The following AOX1 variants were observed in gnomAD, a reference collection of about 807,000 sequenced individuals.
The protein encoded by AOX1 is aldehyde oxidase 1.
In AOX1, 153 loss-of-function variants were observed where a neutral mutation model predicts 169.5. The ratio of observed to expected loss-of-function variants is 0.90; its 90% CI spans 0.79 to 1.03. The LOEUF (loss-of-function observed/expected upper bound fraction) is 1.03. AOX1 is among the 50% of genes least tolerant of loss of function. AOX1 has a pLI of 0.00. For synonymous variants in AOX1, 562 were observed against 581.9 expected, an observed-to-expected ratio of 0.97 and a Z score of 0.49; for missense variants, 1,656 against 1,663.9, an observed-to-expected ratio of 1.00 and a Z score of 0.08.
chr2:200,654,384 A>G (rs2105761752), intron 26 of AOX1, among the ~76,000 whole-genome samples: 1 of 152,324 alleles, frequency 6.6e-6, no homozygotes, highest in Non-Finnish European at 1.5e-5. Flanking sequence ...TTTTTAACAA[A>G]GTATTTTAAA....
intron 17 of AOX1, 56 bp downstream of exon 17, chr2:200,620,875 C>A: frequency 1.3e-6 from 2 of 1,538,880 alleles, no homozygotes; most frequent in South Asian, 2.5e-5. Context: ...TCATCTAAGT[C>A]ACACTAGTGA....
chr2:200,660,518 C>G (rs1219169122), intron 29 of AOX1, among the ~76,000 whole-genome samples: 1 of 152,106 alleles, frequency 6.6e-6, no homozygotes, highest in Non-Finnish European at 1.5e-5. Flanking sequence ...ATATGTTCAT[C>G]CAGTAATAGG....
downstream of AOX1, among the ~76,000 whole-genome samples, chr2:200,681,071 C>T (rs2036148575): frequency 6.6e-6 from 1 of 152,140 alleles, no homozygotes; most frequent in African/African-American, 2.4e-5. Flanking sequence ...GGAGAGAACA[C>T]AATAAAAGTA....
chr2:200,680,430 A>G (rs2036141817), downstream of AOX1, among the ~76,000 whole-genome samples: 1 of 152,184 alleles, frequency 6.6e-6, no homozygotes, highest in East Asian at 1.9e-4. Context: ...ACTGAGTCAA[A>G]GGTCACAGGG....
downstream of AOX1, chr2:200,678,735 A>AC (rs952664683): frequency 2.6e-5 from 4 of 151,870 alleles, no homozygotes; most frequent in Non-Finnish European, 5.9e-5. Context: ...TAAAAAAAAA[A>AC]AAAAAACCTC....
intron 1 of AOX1, among the ~76,000 whole-genome samples, chr2:200,589,218 C>T (rs577024150): frequency 3.9e-5 from 6 of 152,268 alleles, no homozygotes; most frequent in African/African-American, 4.8e-5. Context: ...GGACAGCGCA[C>T]GTTGGCCAGG....
At chr2:200,661,816 C>T (rs1366382094) in intron 30 of AOX1, among the ~76,000 whole-genome samples, 185 bp downstream of exon 30, 1 of 152,000 alleles carries the variant, frequency 6.6e-6, no homozygotes, top group Non-Finnish European at 1.5e-5. Context: ...CTGCTAGTAT[C>T]CAGAAAGACT....
chr2:200,662,715 G>A (rs990223869), intron 30 of AOX1, 140 bp from the exon 31 acceptor site: 20 of 619,294 alleles, frequency 3.2e-5, no homozygotes, highest in Middle Eastern at 3.2e-4. Flanking sequence ...CACATTTATC[G>A]CACATACATT....
chr2:200,641,184 CGTAA>C lies in AOX1; in HGVS notation c.2655+3_2655+6del, dbSNP rs766739242. The C allele has an allele frequency of 1.1e-5, 18 of 1,602,586 alleles. No individual in the cohort carries two copies. The highest frequency in any genetic ancestry group is 1.2e-5 in the Non-Finnish European group (14 of 1,170,136). ...GCGCCTCCTTGGATGAATCATTATT[CGTAA>C]GTGTTTTAAGGAGCAAGTTCACATT... is the stretch of plus-strand genomic sequence containing the variant. On this transcript the variant is annotated splice_donor_variant and splice_donor_region_variant and intron_variant, in intron 24 of 34. Transcript: ENST00000374700. LOFTEE classifies it high-confidence loss of function.
At chr2:200,641,312 A>G in intron 24 of AOX1, 128 bp downstream of exon 24, 1 of 620,036 alleles carries the variant, frequency 1.6e-6, no homozygotes, top group Non-Finnish European at 2.7e-6. Flanking sequence ...TTGCAGGGAT[A>G]GCCATGTGTT....
chr2:200,643,928 TG>T (rs1459997808), intron 25 of AOX1, among the ~76,000 whole-genome samples: 1 of 152,200 alleles, frequency 6.6e-6, no homozygotes, highest in African/African-American at 2.4e-5. Flanking sequence ...CTTACTGATT[TG>T]TTTGAGTTTC....
At chr2:200,624,004 G>A in intron 19 of AOX1, 21 bp downstream of exon 19, 1 of 1,611,400 alleles carries the variant, frequency 6.2e-7, no homozygotes, top group Non-Finnish European at 8.5e-7. Context: ...CTGTGGAATG[G>A]TGGTGCCAGT....
intron 29 of AOX1, 147 bp from the exon 30 acceptor site, chr2:200,661,432 G>C (rs999850978): frequency 2.0e-5 from 13 of 657,752 alleles, no homozygotes; most frequent in Non-Finnish European, 3.2e-5. Flanking sequence ...AGAGGAGAAA[G>C]CCAAAAGGAA....
chr2:200,617,963 G>C (rs1023916222), intron 16 of AOX1, among the ~76,000 whole-genome samples: 1 of 152,152 alleles, frequency 6.6e-6, no homozygotes, highest in Admixed American at 6.5e-5. Flanking sequence ...CGAAGCAGAG[G>C]GGGAAGAGGA....
chr2:200,619,636 G>T (rs866661937), intron 16 of AOX1, among the ~76,000 whole-genome samples: 1 of 152,184 alleles, frequency 6.6e-6, no homozygotes, highest in African/African-American at 2.4e-5. Flanking sequence ...ACATTGTGCT[G>T]ATTAATGTCT....
intron 31 of AOX1, among the ~76,000 whole-genome samples, chr2:200,663,579 C>CTG (rs1553579811): frequency 0.056 from 7,284 of 130,438 alleles, 211 homozygotes; most frequent in Non-Finnish European, 0.082. Context: ...CACACTCTCT[C>CTG]TCTCTCTCTC....
rs752763068 is a variant in AOX1, at chr2:200,605,528, T to A, written c.815-8T>A. On this transcript the variant is annotated splice_polypyrimidine_tract_variant and splice_region_variant and intron_variant, in intron 9 of 34. Coordinates refer to ENST00000374700, the MANE Select transcript of AOX1 (RefSeq NM_001159.4). ...CTTATTGATTTTTTTTTTTTTTTGA[T>A]CCTTTAGGGCCTGAAGTGAAATTTA... 2 of 1,450,934 alleles carry A rather than the reference T, an allele frequency of 1.4e-6. No individual in the cohort carries two copies. Among genetic ancestry groups the A allele is most frequent in the Non-Finnish European group, 1.8e-6 (2 of 1,085,022 alleles). 89.9% of individuals were successfully genotyped at this position (1,450,934 alleles called of 1,614,324 possible). A position where few individuals can be genotyped will look rare whatever the true frequency, so the allele number is the denominator to read the frequency against.
Position 200,670,940 on chromosome 2 carries a change from C to A in AOX1, c.*261C>A. 2.6e-6 allele frequency: 1 copy of A among 386,798 alleles called. No homozygotes were observed. The highest frequency in any genetic ancestry group is 4.6e-6 in the Non-Finnish European group (1 of 216,570). 24.0% of individuals were successfully genotyped at this position (386,798 alleles called of 1,614,324 possible). ...GGTGATATCCGTCATTACTCTGTCT[C>A]TTCAATCCATCCAGCTAAATGGAAT... is the stretch of plus-strand genomic sequence containing the variant. On this transcript the variant is annotated 3_prime_UTR_variant, in exon 35 of 35. Transcript: ENST00000374700.
At chr2:200,588,340 C>T (rs2034081787) in intron 1 of AOX1, 1 of 152,374 alleles carries the variant, frequency 6.6e-6, no homozygotes, top group Non-Finnish European at 1.5e-5. Context: ...GGCCTGATTA[C>T]TAGGGCTTTA....
Sources: allele counts gnomAD v4.1 joint callset (sites outside exome capture counted in the v4.1 genomes callset), GRCh38; gene constraint gnomAD v4.1.1; transcripts MANE v1.5; gene names NCBI Gene and HGNC (gene_info 2026-07-23, HGNC 2026-07-21).